MYOM3: variants seen among roughly 807,000 people sequenced by gnomAD.
The protein encoded by MYOM3 is myomesin 3, also known as myomesin-3.
MYOM3 carries 155 observed loss-of-function variants against 191.7 expected under a neutral mutation model. The observed-to-expected ratio is 0.81, with a 90% CI of 0.71 to 0.92. The LOEUF is 0.92. Ranked by LOEUF, MYOM3 falls within the 40% of genes least tolerant of loss-of-function variation. The pLI is 0.00. For missense variants in MYOM3, 1,889 were observed against 1,890.6 expected (o/e 1.00, Z 0.02); for synonymous variants, 757 against 762.9 (o/e 0.99, Z 0.13).
intron 17 of MYOM3, 173 bp downstream of exon 17, chr1:24,082,420 C>T (rs1643682925): frequency 1.9e-6 from 2 of 1,045,144 alleles, no homozygotes; most frequent in Non-Finnish European, 2.7e-6. Flanking sequence ...TGGCCTCAAG[C>T]CATGGTTACT....
intron 5 of MYOM3, among the ~76,000 whole-genome samples, chr1:24,104,079 T>C (rs1643962541): frequency 6.6e-6 from 1 of 152,174 alleles, no homozygotes; most frequent in Non-Finnish European, 1.5e-5. Flanking sequence ...CTTAGATAAG[T>C]CACACTACCT....
intron 6 of MYOM3, among the ~76,000 whole-genome samples, chr1:24,098,498 C>A (rs1457044423): frequency 6.6e-6 from 1 of 152,236 alleles, no homozygotes; most frequent in Non-Finnish European, 1.5e-5. Context: ...TCACCACCAA[C>A]CAGGCCAACC....
At chr1:24,077,488 A>C (rs1643616487) in intron 20 of MYOM3, among the ~76,000 whole-genome samples, 1 of 152,094 alleles carries the variant, frequency 6.6e-6, no homozygotes, top group African/African-American at 2.4e-5. Flanking sequence ...GCTGCCTGGA[A>C]TGCCGTCCCG....
At chr1:24,082,428 A>T in intron 17 of MYOM3, 165 bp downstream of exon 17, 1 of 1,064,534 alleles carries the variant, frequency 9.4e-7, no homozygotes, top group Non-Finnish European at 1.3e-6. Flanking sequence ...AGCCATGGTT[A>T]CTTCCTTCCC....
chr1:24,071,833 C>T (rs1643535735), intron 24 of MYOM3, 136 bp downstream of exon 24: 2 of 908,150 alleles, frequency 2.2e-6, no homozygotes, highest in Non-Finnish European at 1.8e-6. Flanking sequence ...CCCTGACCTT[C>T]TAGCTCTGTG....
At chr1:24,060,308 C>T (rs566227356) in intron 35 of MYOM3, among the ~76,000 whole-genome samples, 1 of 152,204 alleles carries the variant, frequency 6.6e-6, no homozygotes, top group Non-Finnish European at 1.5e-5. Context: ...TTCCCAATAA[C>T]AGCTATGAGC....
In MYOM3 at chr1:24,094,982, A is replaced by AC. The variant is rs1393595073; in HGVS notation, c.798dup (p.Phe267ValfsTer18). ...GAGGTGAATTCCACGCTGGGGCCAA[A>AC]CGTCGATCCTGGCGTGGGAATGAAA... On this transcript the variant is annotated frameshift_variant, in exon 9 of 37. Coordinates refer to ENST00000374434, the MANE Select transcript of MYOM3 (RefSeq NM_152372.4). LOFTEE classifies it high-confidence loss of function. 1 of 1,613,432 alleles carries AC rather than the reference A, an allele frequency of 6.2e-7. No individual in the cohort carries two copies. The highest frequency in any genetic ancestry group is 1.1e-5 in the South Asian group (1 of 90,962).
At chr1:24,103,806 G>C (rs1415649760) in intron 5 of MYOM3, among the ~76,000 whole-genome samples, 1 of 145,760 alleles carries the variant, frequency 6.9e-6, no homozygotes, top group Admixed American at 6.9e-5. Flanking sequence ...GCTTCCCCCT[G>C]CACAGATCTC....
At chr1:24,088,230 C>A (rs879548268) in intron 14 of MYOM3, among the ~76,000 whole-genome samples, 3 of 152,110 alleles carry the variant, frequency 2.0e-5, no homozygotes, top group African/African-American at 7.2e-5. Flanking sequence ...ACTGATTCCA[C>A]GCTCTGTGGT....
intron 21 of MYOM3, 141 bp from the exon 22 acceptor site, chr1:24,075,616 G>T: frequency 2.4e-6 from 2 of 825,894 alleles, no homozygotes; most frequent in South Asian, 2.3e-5. Context: ...CCAAGGCCTT[G>T]CAGGATCCGG....
At position 24,091,147 on chromosome 1, in the gene MYOM3, C is replaced by G. The variant is rs1195472494; in HGVS notation, c.1233-151G>C. On this transcript the variant is annotated intron_variant, in intron 11 of 36. Transcript: ENST00000374434. ...TTCTCTCCAATGGAAGAGCCTGGCTCCAACCTCGGGCCCCCGGGAGACCTT... is the reference window on the plus strand; with the variant it reads ...TTCTCTCCAATGGAAGAGCCTGGCTGCAACCTCGGGCCCCCGGGAGACCTT... The G allele has an allele frequency of 3.3e-6, 3 of 914,868 alleles. No homozygotes were observed. The Admixed American group carries it at 8.4e-5, about 26-fold the overall frequency. 56.7% of individuals were successfully genotyped at this position (914,868 alleles called of 1,614,324 possible). A position where few individuals can be genotyped will look rare whatever the true frequency, so the allele number is the denominator to read the frequency against.
At position 24,073,010 on chromosome 1, in the gene MYOM3, A is replaced by T. The variant is rs1643550540; in HGVS notation, c.2969-997T>A. 4.6e-5 allele frequency among the ~76,000 whole-genome samples: 7 copies of T among 152,204 alleles called. No homozygotes were observed. The South Asian group carries it at 1.4e-3, about 31-fold the overall frequency. On this transcript the variant is annotated intron_variant, in intron 23 of 36. Coordinates refer to ENST00000374434, the MANE Select transcript of MYOM3 (RefSeq NM_152372.4). Reference sequence around the variant, plus strand: ...AGAATCCTTAACACTATGAGTCTAGATTCATGGCAAGCACACGGCAAACAA... The same window carrying T: ...AGAATCCTTAACACTATGAGTCTAGTTTCATGGCAAGCACACGGCAAACAA...
In MYOM3 at chr1:24,099,667, T is replaced by A. The variant is rs1268680609; in HGVS notation, c.656+13A>T. ...GTCTGGGGTCATAGGTCTCTCCAGG[T>A]CTCCAGTCTCACCTCCTAATCTCCA... is the stretch of plus-strand genomic sequence containing the variant. On this transcript the variant is annotated intron_variant, in intron 6 of 36. Coordinates refer to ENST00000374434, the MANE Select transcript of MYOM3 (RefSeq NM_152372.4). 1.2e-6 allele frequency: 2 copies of A among 1,605,504 alleles called. No homozygotes were observed. Among genetic ancestry groups the A allele is most frequent in the Non-Finnish European group, 1.7e-6 (2 of 1,172,268 alleles).
intron 10 of MYOM3, among the ~76,000 whole-genome samples, chr1:24,092,572 C>A (rs1384246844): frequency 6.6e-6 from 1 of 152,178 alleles, no homozygotes; most frequent in Non-Finnish European, 1.5e-5. Context: ...CCCAGAGCAG[C>A]CTTCCCCTCT....
In MYOM3 at chr1:24,076,267, C is replaced by T. The variant is rs770159028; in HGVS notation, c.2593G>A (p.Asp865Asn). 1.1e-5 allele frequency: 17 copies of T among 1,613,666 alleles called. No homozygotes were observed. Among genetic ancestry groups the T allele is most frequent in the South Asian group, 6.6e-5 (6 of 91,058 alleles). Reference sequence around the variant, plus strand: ...ACGTAACTCTTTCCTGGCTGCAAGTCGGAAACCTGGGGGCAGAGGGCAAGA... The same window carrying T: ...ACGTAACTCTTTCCTGGCTGCAAGTTGGAAACCTGGGGGCAGAGGGCAAGA... ...PISGTHLRVS[D>N]LQPGKSYVFQ... is the part of the protein sequence containing the mutation. Residue 865 changes from aspartate to asparagine, a missense_variant, in exon 21 of 37, where the codon GAC becomes AAC. Coordinates refer to ENST00000374434, the MANE Select transcript of MYOM3 (RefSeq NM_152372.4).
chr1:24,064,435 G>A (rs567902582), intron 29 of MYOM3, among the ~76,000 whole-genome samples: 3 of 152,134 alleles, frequency 2.0e-5, no homozygotes, highest in Admixed American at 6.5e-5. Flanking sequence ...AGACACCTTC[G>A]TTTGCATTCA....
In MYOM3 at chr1:24,057,652, C is replaced by G. The variant is rs371236232; in HGVS notation, c.4051-25G>C. 4 of 1,607,710 alleles carry G rather than the reference C, an allele frequency of 2.5e-6. No homozygotes were observed. The African/African-American group carries it at 5.3e-5, about 21-fold the overall frequency. On this transcript the variant is annotated intron_variant, in intron 36 of 36. Coordinates refer to ENST00000374434, the MANE Select transcript of MYOM3 (RefSeq NM_152372.4). ...TCTGTTTGAAAAGACAGGAAGGGAA[C>G]AGTCTCACCTCCTTGTAACTTGAAC...
At position 24,058,995 on chromosome 1, in the gene MYOM3, G is replaced by T; in HGVS notation, c.3995-16C>A. On this transcript the variant is annotated splice_polypyrimidine_tract_variant and intron_variant, in intron 35 of 36. Transcript: ENST00000374434. ...TTGGCACGATCTGGAAGGGAAATAA[G>T]AGACCCCAGCGATGAATCCTTTTCT... 6.2e-7 allele frequency: 1 copy of T among 1,603,560 alleles called. No individual in the cohort carries two copies. Among genetic ancestry groups the T allele is most frequent in the Non-Finnish European group, 8.5e-7 (1 of 1,172,258 alleles).
chr1:24,108,588 G>T lies in MYOM3; in HGVS notation c.49C>A (p.Gln17Lys), dbSNP rs750176576. 3.2e-6 allele frequency: 5 copies of T among 1,563,688 alleles called. No individual in the cohort carries two copies. The South Asian group carries it at 4.7e-5, about 15-fold the overall frequency. Residue 17 changes from glutamine to lysine, a missense_variant, in exon 2 of 37, where the codon CAG becomes AAG. Physicochemically the swap from Gln to Lys is moderately conservative, Grantham distance 53. Coordinates refer to ENST00000374434, the MANE Select transcript of MYOM3 (RefSeq NM_152372.4). ...LGGAGDPRPP[Q>K]AMEVHRLEHR... Reference sequence around the variant, plus strand: ...TCCAGCCTGTGAACCTCCATGGCCTGGGGGGGCCGGGGGTCCCCCGCACCT... The same window carrying T: ...TCCAGCCTGTGAACCTCCATGGCCTTGGGGGGCCGGGGGTCCCCCGCACCT...
Sources: allele counts gnomAD v4.1 joint callset (sites outside exome capture counted in the v4.1 genomes callset), GRCh38; gene constraint gnomAD v4.1.1; transcripts MANE v1.5; gene names NCBI Gene and HGNC (gene_info 2026-07-23, HGNC 2026-07-21).